Variants in USH2A observed in about 807,000 individuals in gnomAD.
The protein encoded by USH2A is Usher syndrome 2A (autosomal recessive, mild).
In USH2A, 443 loss-of-function variants were observed where a neutral mutation model predicts 538.9. The ratio of observed to expected loss-of-function variants is 0.82; its 90% CI spans 0.76 to 0.89. The LOEUF (loss-of-function observed/expected upper bound fraction) is 0.89. Among genes scored for constraint, USH2A ranks in the 40% least tolerant of loss-of-function variants. USH2A has a pLI of 0.00. For missense variants in USH2A, 6,633 were observed against 6,324.8 expected (o/e 1.05, Z -1.65); for synonymous variants, 2,413 against 2,273.5 (o/e 1.06, Z -1.75).
In USH2A at chr1:216,198,450, C is replaced by A; in HGVS notation, c.3946G>T (p.Ala1316Ser). ...GTCATTGTTTGAGGAGGTTTTAATG[C>A]ATTTTCATTGGCCGATTCTACAAAT... ...HSFVESANEN[A>S]LKPPQTMTTI... The change falls in exon 18 of 72, where the codon GCA (alanine) becomes TCA (serine). Residue 1316 changes from alanine (A) to serine (S), a missense_variant. By Grantham distance (99) the Ala-to-Ser change is moderately conservative. Transcript: ENST00000307340. The A allele has an allele frequency of 1.2e-6, 2 of 1,614,028 alleles. No individual in the cohort carries two copies. The highest frequency in any genetic ancestry group is 1.7e-6 in the Non-Finnish European group (2 of 1,179,968).
intron 38 of USH2A, among the ~76,000 whole-genome samples, chr1:215,913,540 TAA>T (rs1169651550): frequency 1.3e-5 from 2 of 152,032 alleles, no homozygotes; most frequent in Non-Finnish European, 2.9e-5. Flanking sequence ...GTAGGACAGA[TAA>T]AGAGTCTGAA....
At chr1:216,322,288 C>T (rs539039905) in intron 8 of USH2A, among the ~76,000 whole-genome samples, 2 of 152,050 alleles carry the variant, frequency 1.3e-5, no homozygotes, top group Non-Finnish European at 2.9e-5. Flanking sequence ...ATTTACTACA[C>T]TATTTAAAAT....
At chr1:216,235,840 C>G (rs1429247470) in intron 13 of USH2A, among the ~76,000 whole-genome samples, 1 of 152,108 alleles carries the variant, frequency 6.6e-6, no homozygotes, top group African/African-American at 2.4e-5. Context: ...ACTACTCTCA[C>G]CTTAAGGCAG....
intron 22 of USH2A, among the ~76,000 whole-genome samples, chr1:216,092,970 A>G (rs998676834): frequency 2.0e-5 from 3 of 146,348 alleles, no homozygotes; most frequent in Admixed American, 1.4e-4. Flanking sequence ...GGCTTTAACA[A>G]TTTTTTTTTT....
chr1:216,050,716 T>C (rs952954858), intron 30 of USH2A, among the ~76,000 whole-genome samples: 2 of 150,542 alleles, frequency 1.3e-5, no homozygotes, highest in African/African-American at 4.9e-5. Flanking sequence ...GCCATTCTCC[T>C]GCCTCAGCCT....
chr1:215,817,969 A>G (rs1662905515), intron 47 of USH2A, among the ~76,000 whole-genome samples: 1 of 151,958 alleles, frequency 6.6e-6, no homozygotes, highest in African/African-American at 2.4e-5. Flanking sequence ...GATAATGAGG[A>G]TGAATACTTT....
chr1:215,671,365 C>T (rs1478004367), intron 63 of USH2A, 72 bp from the exon 64 acceptor site: 2 of 1,458,876 alleles, frequency 1.4e-6, no homozygotes, highest in Admixed American at 1.9e-5. Context: ...TTTAAAACAC[C>T]AGGCCTTAAA....
chr1:216,227,984 A>T (rs2035594158), intron 14 of USH2A, among the ~76,000 whole-genome samples: 1 of 152,138 alleles, frequency 6.6e-6, no homozygotes, highest in East Asian at 1.9e-4. Flanking sequence ...GGTCATAATT[A>T]AAAAGGTTTT....
chr1:216,048,542 G>C lies in USH2A; in HGVS notation c.6155C>G (p.Pro2052Arg). Residue 2052 changes from proline (P) to arginine (R), a missense_variant, in exon 31 of 72, where the codon CCA (proline) becomes CGA (arginine). Transcript: ENST00000307340. ...CTTTGAAATTACTTTACCTTCTTGT[G>C]GAGTAGAGATGTTCAATGCATGTGA... Reference protein sequence around the residue: ...ESSHALNISTPQEAPQEVQPP... With the variant: ...ESSHALNISTRQEAPQEVQPP... 1 of 1,613,682 alleles carries C rather than the reference G, an allele frequency of 6.2e-7. No homozygotes were observed. Among genetic ancestry groups the C allele is most frequent in the Non-Finnish European group, 8.5e-7 (1 of 1,179,654 alleles).
chr1:216,209,633 A>C (rs2102484583), intron 15 of USH2A, among the ~76,000 whole-genome samples: 1 of 152,084 alleles, frequency 6.6e-6, no homozygotes, highest in East Asian at 1.9e-4. Context: ...GCACTTTGAT[A>C]TTTATACACC....
chr1:216,148,781 C>T (rs2762674), intron 21 of USH2A, among the ~76,000 whole-genome samples: 93,218 of 148,256 alleles, frequency 0.63, 29,403 homozygotes, highest in East Asian at 0.79. Context: ...AACCCATTAT[C>T]GTGTTCTAGA....
intron 51 of USH2A, among the ~76,000 whole-genome samples, chr1:215,788,951 A>AAAAC (rs1558098604): frequency 6.2e-4 from 44 of 70,686 alleles, no homozygotes; most frequent in African/African-American, 2.1e-3. Context: ...CAAAACAAAA[A>AAAAC]AACAGGGGAA....
intron 9 of USH2A, among the ~76,000 whole-genome samples, chr1:216,311,608 G>C (rs767202295): frequency 6.6e-6 from 1 of 152,070 alleles, no homozygotes; most frequent in African/African-American, 2.4e-5. Flanking sequence ...TGGCATGGCA[G>C]CTTGTTTCTG....
intron 37 of USH2A, among the ~76,000 whole-genome samples, chr1:215,939,822 C>T (rs1021778469): frequency 1.3e-5 from 2 of 152,008 alleles, no homozygotes; most frequent in Non-Finnish European, 2.9e-5. Context: ...TATAATTTGA[C>T]TGGCTGGCCA....
intron 47 of USH2A, among the ~76,000 whole-genome samples, chr1:215,829,294 G>C (rs907438950): frequency 6.6e-6 from 1 of 152,146 alleles, no homozygotes; most frequent in African/African-American, 2.4e-5. Flanking sequence ...ATGCATAAGG[G>C]CTTGTACTGC....
At chr1:216,207,606 C>T (rs1484831135) in intron 15 of USH2A, among the ~76,000 whole-genome samples, 175 bp from the exon 16 acceptor site, 2 of 151,888 alleles carry the variant, frequency 1.3e-5, no homozygotes, top group African/African-American at 4.8e-5. Flanking sequence ...TAAAACAAAG[C>T]TTTTTATCTA....
At chr1:216,217,307 A>G in intron 15 of USH2A, 80 bp downstream of exon 15, 1 of 1,574,994 alleles carries the variant, frequency 6.3e-7, no homozygotes, top group Non-Finnish European at 8.7e-7. Flanking sequence ...ATGGGTTCTA[A>G]ATGGAGAAAG....
chr1:215,755,443 A>G (rs573444555), intron 58 of USH2A, among the ~76,000 whole-genome samples: 1 of 152,316 alleles, frequency 6.6e-6, no homozygotes, highest in East Asian at 1.9e-4. Flanking sequence ...ATTTGTGACT[A>G]TTCAGGAATA....
At chr1:215,952,169 T>G (rs968543261) in intron 37 of USH2A, among the ~76,000 whole-genome samples, 1 of 152,190 alleles carries the variant, frequency 6.6e-6, no homozygotes, top group Non-Finnish European at 1.5e-5. Flanking sequence ...CGGCCTGGTT[T>G]AAAGTCTGTT....
Sources: allele counts gnomAD v4.1 joint callset (sites outside exome capture counted in the v4.1 genomes callset), GRCh38; gene constraint gnomAD v4.1.1; transcripts MANE v1.5; gene names NCBI Gene and HGNC (gene_info 2026-07-23, HGNC 2026-07-21).